The following GRM7 variants were observed in gnomAD, a reference collection of about 807,000 sequenced individuals.
The protein encoded by GRM7 is glutamate metabotropic receptor 7, also known as metabotropic glutamate receptor 7.
In GRM7, 35 loss-of-function variants were observed where a neutral mutation model predicts 84.5. The ratio of observed to expected loss-of-function variants is 0.41; its 90% CI spans 0.32 to 0.55. The LOEUF is 0.55. Among genes scored for constraint, GRM7 ranks in the 20% least tolerant of loss-of-function variants. The pLI, the probability that GRM7 is intolerant of heterozygous loss-of-function variation, is 0.19. For synonymous variants in GRM7, 487 were observed against 455.1 expected, an observed-to-expected ratio of 1.07 and a Z score of -0.89; for missense variants, 1,003 against 1,194.6, an observed-to-expected ratio of 0.84 and a Z score of 2.36.
At chr3:7,207,464 C>T (rs1282778759) in intron 2 of GRM7, among the ~76,000 whole-genome samples, 2 of 152,138 alleles carry the variant, frequency 1.3e-5, no homozygotes, top group African/African-American at 4.8e-5. Context: ...GCTGACTCTT[C>T]CTATTCTTCC....
intron 1 of GRM7, among the ~76,000 whole-genome samples, chr3:7,048,022 T>G (rs990202913): frequency 6.6e-6 from 1 of 152,022 alleles, no homozygotes; most frequent in Non-Finnish European, 1.5e-5. Flanking sequence ...GACATGAATA[T>G]AGTTAATAAT....
chr3:7,076,294 C>T (rs753445041), intron 1 of GRM7, among the ~76,000 whole-genome samples: 1 of 152,158 alleles, frequency 6.6e-6, no homozygotes, highest in Non-Finnish European at 1.5e-5. Context: ...TGTGTCTCCA[C>T]CTGAATCTCA....
chr3:7,125,409 C>T (rs1269403609), intron 1 of GRM7, among the ~76,000 whole-genome samples: 1 of 152,142 alleles, frequency 6.6e-6, no homozygotes, highest in East Asian at 1.9e-4. Flanking sequence ...ATCCCACTCC[C>T]CTCATATGTC....
At chr3:7,330,719 A>G (rs1388270051) in intron 4 of GRM7, among the ~76,000 whole-genome samples, 1 of 152,202 alleles carries the variant, frequency 6.6e-6, no homozygotes, top group African/African-American at 2.4e-5. Context: ...CTCCCCAGCC[A>G]CGTGGAACGT....
At chr3:6,975,322 G>C (rs985933569) in intron 1 of GRM7, among the ~76,000 whole-genome samples, 2 of 152,130 alleles carry the variant, frequency 1.3e-5, no homozygotes, top group South Asian at 2.1e-4. Context: ...CAAAGTAACT[G>C]CTCTGATTAT....
chr3:7,533,961 T>C (rs779751), intron 7 of GRM7, among the ~76,000 whole-genome samples: 106,772 of 151,244 alleles, frequency 0.71, 38,020 homozygotes, highest in African/African-American at 0.77. Context: ...GCAAACCAAC[T>C]AGTGATTTAT....
At chr3:7,071,993 T>G (rs1328901568) in intron 1 of GRM7, among the ~76,000 whole-genome samples, 1 of 152,164 alleles carries the variant, frequency 6.6e-6, no homozygotes. Context: ...AAATTCAGTT[T>G]CCTTATTACC....
intron 1 of GRM7, among the ~76,000 whole-genome samples, chr3:7,104,175 G>A (rs9867970): frequency 0.062 from 9,354 of 151,494 alleles, 696 homozygotes; most frequent in African/African-American, 0.14. Flanking sequence ...CTTTTCATGT[G>A]AGGACACACT....
chr3:7,310,040 T>G (rs1700336126), intron 4 of GRM7, among the ~76,000 whole-genome samples: 2 of 152,338 alleles, frequency 1.3e-5, no homozygotes, highest in South Asian at 4.1e-4. Flanking sequence ...CCAAGGAATC[T>G]GCAGAGTACT....
At chr3:7,113,169 T>C (rs1310515684) in intron 1 of GRM7, among the ~76,000 whole-genome samples, 1 of 152,190 alleles carries the variant, frequency 6.6e-6, no homozygotes, top group Non-Finnish European at 1.5e-5. Flanking sequence ...CTTGAAATGT[T>C]TCTTTCAAAA....
intron 9 of GRM7, among the ~76,000 whole-genome samples, chr3:7,737,279 C>T (rs143451961): frequency 6.6e-6 from 1 of 152,056 alleles, no homozygotes; most frequent in Non-Finnish European, 1.5e-5. Flanking sequence ...TTAACACTAC[C>T]TCACTGTAAA....
At chr3:7,082,390 G>A (rs1404099537) in intron 1 of GRM7, among the ~76,000 whole-genome samples, 1 of 151,926 alleles carries the variant, frequency 6.6e-6, no homozygotes, top group African/African-American at 2.4e-5. Context: ...GTCCACTATT[G>A]AGAGCTACTA....
intron 1 of GRM7, among the ~76,000 whole-genome samples, chr3:7,075,544 G>A (rs988496561): frequency 7.1e-6 from 1 of 140,298 alleles, no homozygotes; most frequent in African/African-American, 2.6e-5. Context: ...GTGTGTGTGT[G>A]TTTGGAGATG....
At chr3:7,139,129 A>G (rs1306857425) in intron 1 of GRM7, among the ~76,000 whole-genome samples, 1 of 148,136 alleles carries the variant, frequency 6.8e-6, no homozygotes, top group Non-Finnish European at 1.5e-5. Flanking sequence ...ATTATACTAT[A>G]TAGATACTAT....
chr3:6,987,103 T>G (rs1694441805), intron 1 of GRM7, among the ~76,000 whole-genome samples: 1 of 152,156 alleles, frequency 6.6e-6, no homozygotes, highest in African/African-American at 2.4e-5. Context: ...TTCCTTCTAA[T>G]CCCCTTCCCT....
At chr3:7,593,986 A>AG (rs1695918085) in intron 8 of GRM7, among the ~76,000 whole-genome samples, 1 of 152,100 alleles carries the variant, frequency 6.6e-6, no homozygotes, top group Admixed American at 6.5e-5. Flanking sequence ...TCACAAAATA[A>AG]GCATCATACT....
chr3:7,678,708 T>C (rs966967663), intron 8 of GRM7, among the ~76,000 whole-genome samples: 1 of 152,208 alleles, frequency 6.6e-6, no homozygotes, highest in Non-Finnish European at 1.5e-5. Context: ...GACATACATA[T>C]TCAAATTAAT....
intron 4 of GRM7, among the ~76,000 whole-genome samples, chr3:7,325,744 G>A (rs1277842681): frequency 6.6e-6 from 1 of 152,082 alleles, no homozygotes; most frequent in Non-Finnish European, 1.5e-5. Context: ...TCTATATATT[G>A]AGTCTTTTAA....
chr3:7,018,402 C>G (rs1312103621), intron 1 of GRM7, among the ~76,000 whole-genome samples: 1 of 152,122 alleles, frequency 6.6e-6, no homozygotes, highest in African/African-American at 2.4e-5. Flanking sequence ...GGTGTTTGGC[C>G]CCATGGAACT....
Sources: allele counts gnomAD v4.1 joint callset (sites outside exome capture counted in the v4.1 genomes callset), GRCh38; gene constraint gnomAD v4.1.1; transcripts MANE v1.5; gene names NCBI Gene and HGNC (gene_info 2026-07-23, HGNC 2026-07-21).